ETV1: variants seen among roughly 807,000 people sequenced by gnomAD.
The protein encoded by ETV1 is ETS translocation variant 1.
A neutral mutation model predicts 62.3 loss-of-function variants in ETV1; 27 were observed. The ratio of observed to expected loss-of-function variants is 0.43; its 90% CI spans 0.32 to 0.60. ETV1 has a LOEUF of 0.60. Ranked by LOEUF, ETV1 falls within the 20% of genes least tolerant of loss-of-function variation. The pLI, the probability that ETV1 is intolerant of heterozygous loss-of-function variation, is 0.06. For missense variants in ETV1, 605 were observed against 605.8 expected, an observed-to-expected ratio of 1.00 and a Z score of 0.01; for synonymous variants, 222 against 199.6, an observed-to-expected ratio of 1.11 and a Z score of -0.94.
chr7:13,909,820 C>G (rs1253587993), intron 10 of ETV1, 120 bp from the exon 11 acceptor site: 1 of 809,342 alleles, frequency 1.2e-6, no homozygotes, highest in Non-Finnish European at 2.1e-6. Flanking sequence ...CCTTTCAGTT[C>G]CTTGAGCCCT....
intron 5 of ETV1, among the ~76,000 whole-genome samples, chr7:13,979,914 T>C (rs1334603735): frequency 1.3e-5 from 2 of 152,054 alleles, no homozygotes; most frequent in African/African-American, 2.4e-5. Context: ...GACTCACTGA[T>C]GGGTGTGTGA....
chr7:13,918,943 A>G (rs1217529932), intron 9 of ETV1, among the ~76,000 whole-genome samples: 1 of 151,330 alleles, frequency 6.6e-6, no homozygotes, highest in African/African-American at 2.4e-5. Context: ...GATTGTTTTA[A>G]GAGTATTGTC....
At chr7:13,963,954 C>T (rs556965716) in intron 6 of ETV1, among the ~76,000 whole-genome samples, 1 of 152,074 alleles carries the variant, frequency 6.6e-6, no homozygotes, top group African/African-American at 2.4e-5. Flanking sequence ...AGAGCTTTCA[C>T]AAAGGAAAAC....
At chr7:13,946,718 A>G (rs1268650262) in intron 6 of ETV1, among the ~76,000 whole-genome samples, 1 of 152,210 alleles carries the variant, frequency 6.6e-6, no homozygotes, top group Non-Finnish European at 1.5e-5. Flanking sequence ...ATAATGTAAA[A>G]TCACATTTGA....
chr7:13,922,929 T>C (rs1396336247), intron 9 of ETV1, among the ~76,000 whole-genome samples: 3 of 152,206 alleles, frequency 2.0e-5, no homozygotes, highest in Admixed American at 6.5e-5. Context: ...ACGTATCTCA[T>C]CTTGTAAGTA....
At chr7:13,900,599 C>A in intron 13 of ETV1, 139 bp downstream of exon 13, 1 of 612,948 alleles carries the variant, frequency 1.6e-6, no homozygotes, top group Non-Finnish European at 2.8e-6. Flanking sequence ...GCTTGTAATA[C>A]CAAAACCAAG....
intron 6 of ETV1, among the ~76,000 whole-genome samples, chr7:13,960,715 A>G (rs139917540): frequency 1.8e-4 from 28 of 152,276 alleles, no homozygotes; most frequent in African/African-American, 6.3e-4. Context: ...AAATTCTCTG[A>G]TGCTAGTAAT....
In ETV1 at chr7:13,895,999, A is replaced by C. The variant is rs750968701; in HGVS notation, c.1301T>G (p.Leu434Arg). 12 of 1,613,802 alleles carry C rather than the reference A, an allele frequency of 7.4e-6. No individual in the cohort carries two copies. Among genetic ancestry groups the C allele is most frequent in the Non-Finnish European group, 8.5e-6 (10 of 1,179,822 alleles). ...MAFPDNQRPL[L>R]KTDMERHINE... The stretch of plus-strand genomic sequence containing the variant: ...GATGTGACGTTCCATGTCTGTCTTC[A>C]GCAGTGGACGCTGATTATCTGGAAA... The change falls in exon 14 of 14, where the codon CTG (leucine) becomes CGG (arginine). Residue 434 changes from leucine to arginine, a missense_variant. Leu to Arg is a moderately radical substitution (Grantham distance 102, BLOSUM62 -2). Transcript: ENST00000430479.
At chr7:13,988,910 A>C in intron 3 of ETV1, 98 bp downstream of exon 3, 1 of 1,506,742 alleles carries the variant, frequency 6.6e-7, no homozygotes, top group Non-Finnish European at 9.1e-7. Context: ...AGTATCTGCA[A>C]TCCCAACCCC....
intron 12 of ETV1, 28 bp from the exon 13 acceptor site, chr7:13,900,867 T>G (rs1255164038): frequency 7.0e-7 from 1 of 1,423,184 alleles, no homozygotes; most frequent in Non-Finnish European, 9.8e-7. Context: ...TACATTGTAG[T>G]GTTAAGTATT....
intron 4 of ETV1, 74 bp downstream of exon 4, chr7:13,988,012 A>G: frequency 1.2e-6 from 1 of 812,400 alleles, no homozygotes; most frequent in South Asian, 1.4e-5. Context: ...ATAAGACTGA[A>G]GTGCTCCTTT....
At chr7:13,900,928 C>A in intron 12 of ETV1, 89 bp from the exon 13 acceptor site, 1 of 823,386 alleles carries the variant, frequency 1.2e-6, no homozygotes, top group Non-Finnish European at 1.9e-6. Flanking sequence ...CTTCCAAACC[C>A]ACAAAAATGT....
At chr7:13,972,894 C>A (rs375443669) in intron 6 of ETV1, among the ~76,000 whole-genome samples, 5 of 152,178 alleles carry the variant, frequency 3.3e-5, no homozygotes, top group African/African-American at 1.2e-4. Flanking sequence ...TAGGCATGAG[C>A]CACCATGCCC....
chr7:13,898,215 G>C (rs979620775), intron 13 of ETV1, among the ~76,000 whole-genome samples: 2 of 152,122 alleles, frequency 1.3e-5, no homozygotes, highest in Non-Finnish European at 2.9e-5. Context: ...ATTAAGTATA[G>C]CCAAAATGCA....
At chr7:13,931,357 G>A (rs1160086241) in intron 9 of ETV1, 145 bp downstream of exon 9, 2 of 802,842 alleles carry the variant, frequency 2.5e-6, no homozygotes, top group East Asian at 5.2e-5. Flanking sequence ...TTTACACGTA[G>A]ATGAAGTTTC....
chr7:13,969,714 G>C (rs1382342151), intron 6 of ETV1, among the ~76,000 whole-genome samples: 1 of 152,160 alleles, frequency 6.6e-6, no homozygotes, highest in Non-Finnish European at 1.5e-5. Flanking sequence ...GACTGAAGTA[G>C]AATCAGACAG....
intron 13 of ETV1, among the ~76,000 whole-genome samples, chr7:13,896,850 C>T (rs1464266118): frequency 6.6e-6 from 1 of 151,846 alleles, no homozygotes; most frequent in African/African-American, 2.4e-5. Flanking sequence ...CTGGGTACAT[C>T]ACTTTTAAAA....
intron 6 of ETV1, among the ~76,000 whole-genome samples, chr7:13,971,835 G>A (rs939536691): frequency 6.6e-6 from 1 of 152,182 alleles, no homozygotes; most frequent in African/African-American, 2.4e-5. Context: ...TAACGGCCAG[G>A]CACAGTGGCT....
At chr7:13,966,297 C>T (rs1780278473) in intron 6 of ETV1, among the ~76,000 whole-genome samples, 3 of 152,060 alleles carry the variant, frequency 2.0e-5, no homozygotes, top group Admixed American at 2.0e-4. Flanking sequence ...CTAGGGAATC[C>T]AGTGGCCTTG....
Sources: gnomAD v4.1 joint callset for allele counts (sites outside exome capture counted in the v4.1 genomes callset) on GRCh38, gnomAD v4.1.1 for gene constraint, MANE v1.5 for transcripts, NCBI Gene and HGNC (gene_info 2026-07-23, HGNC 2026-07-21) for gene names.